ANXA8: variants seen among roughly 807,000 people sequenced by gnomAD.
ANXA8 encodes the protein annexin A8.
Under a neutral mutation model 26.8 loss-of-function variants are expected in ANXA8, and 9 were observed. The observed-to-expected ratio is 0.34, with a 90% CI of 0.20 to 0.59. ANXA8 has a LOEUF of 0.59. Among genes scored for constraint, ANXA8 ranks in the 20% least tolerant of loss-of-function variants. The probability of loss-of-function intolerance (pLI) is 0.84; values close to 1 mark genes in which losing one functional copy is unlikely to be tolerated. For synonymous variants in ANXA8, 39 were observed against 94.8 expected (o/e 0.41, Z 3.42); for missense variants, 83 against 238.5 (o/e 0.35, Z 4.29).
the ANXA8 span, among the ~76,000 whole-genome samples, chr10:47,976,511 C>G: frequency 6.7e-6 from 1 of 149,646 alleles, no homozygotes; most frequent in East Asian, 2.0e-4. Flanking sequence ...AGTTTGAGAC[C>G]AGTCTGGACA....
the ANXA8 span, among the ~76,000 whole-genome samples, chr10:47,748,058 A>G: frequency 2.0e-5 from 3 of 152,204 alleles, no homozygotes; most frequent in Admixed American, 6.5e-5. Context: ...GGCCTAACAC[A>G]TATGTAACTG....
the ANXA8 span, among the ~76,000 whole-genome samples, chr10:47,645,420 C>A: frequency 1.4e-5 from 2 of 147,794 alleles, no homozygotes; most frequent in Non-Finnish European, 3.0e-5. Context: ...AAAAACTTTC[C>A]TTTTTCTCAC....
At chr10:47,952,297 C>A in the ANXA8 span, among the ~76,000 whole-genome samples, 1 of 151,392 alleles carries the variant, frequency 6.6e-6, no homozygotes, top group Admixed American at 6.6e-5. Flanking sequence ...GAGGAAATAC[C>A]GACATAAGAT....
chr10:47,499,140 A>G, the ANXA8 span, among the ~76,000 whole-genome samples: 2 of 135,676 alleles, frequency 1.5e-5, no homozygotes, highest in Non-Finnish European at 3.1e-5. Flanking sequence ...TTAAAAAGAT[A>G]AAATAGAAAT....
the ANXA8 span, chr10:47,510,360 C>A: frequency 3.1e-6 from 4 of 1,288,964 alleles, no homozygotes; most frequent in African/African-American, 6.2e-5. Flanking sequence ...TAAGATATGT[C>A]TTACACTCCA....
chr10:47,945,138 T>C, the ANXA8 span, among the ~76,000 whole-genome samples: 4 of 150,032 alleles, frequency 2.7e-5, 1 homozygote, highest in East Asian at 8.5e-4. Flanking sequence ...CCTCTTGTGG[T>C]TCAGAGAATT....
the ANXA8 span, among the ~76,000 whole-genome samples, chr10:47,749,326 G>A: frequency 6.7e-6 from 1 of 148,938 alleles, no homozygotes; most frequent in African/African-American, 2.5e-5. Context: ...GAATTCTTCA[G>A]GTAGAAGAAA....
At chr10:47,557,164 G>A in the ANXA8 span, among the ~76,000 whole-genome samples, 4 of 134,640 alleles carry the variant, frequency 3.0e-5, no homozygotes, top group Non-Finnish European at 6.3e-5. Context: ...GCACCACCAC[G>A]CCCAGCTAAT....
chr10:47,548,899 G>A, the ANXA8 span, among the ~76,000 whole-genome samples: 1 of 152,262 alleles, frequency 6.6e-6, no homozygotes, highest in Non-Finnish European at 1.5e-5. Flanking sequence ...CACCTCAAGG[G>A]TGTATCAAGG....
chr10:47,683,097 T>C, the ANXA8 span, among the ~76,000 whole-genome samples: 4 of 152,128 alleles, frequency 2.6e-5, no homozygotes, highest in Admixed American at 1.3e-4. Context: ...AAATGAGCGA[T>C]AGCTTTAAAC....
the ANXA8 span, among the ~76,000 whole-genome samples, chr10:47,702,469 T>C: frequency 6.6e-6 from 1 of 151,278 alleles, no homozygotes; most frequent in Non-Finnish European, 1.5e-5. Context: ...GCCTCCCAAG[T>C]AGCTGGGACT....
chr10:47,958,626 C>T, the ANXA8 span, among the ~76,000 whole-genome samples: 1 of 148,310 alleles, frequency 6.7e-6, no homozygotes, highest in East Asian at 2.1e-4. Flanking sequence ...GTCCATGTGG[C>T]CCCCAGTCTA....
intron 1 of ANXA8, among the ~76,000 whole-genome samples, chr10:47,482,877 C>T (rs1352456356): frequency 6.6e-6 from 1 of 150,434 alleles, no homozygotes; most frequent in Admixed American, 6.6e-5. Flanking sequence ...GAACCTGGGG[C>T]TGGGCAGAGA....
At chr10:47,670,909 T>C in the ANXA8 span, among the ~76,000 whole-genome samples, 1 of 150,522 alleles carries the variant, frequency 6.6e-6, no homozygotes, top group Admixed American at 6.6e-5. Flanking sequence ...ATTTACCAGG[T>C]TATTTGGAAG....
chr10:47,511,372 G>A, the ANXA8 span, among the ~76,000 whole-genome samples: 10 of 141,168 alleles, frequency 7.1e-5, 4 homozygotes, highest in East Asian at 2.8e-3. Context: ...TATTTCAGGT[G>A]ATATTGTTAC....
the ANXA8 span, among the ~76,000 whole-genome samples, chr10:47,592,775 G>A: frequency 2.0e-5 from 3 of 148,602 alleles, 1 homozygote; most frequent in African/African-American, 7.8e-5. Flanking sequence ...AGAATGCAGA[G>A]AAGGGTGTGG....
At chr10:47,644,642 T>C in the ANXA8 span, among the ~76,000 whole-genome samples, 3 of 151,948 alleles carry the variant, frequency 2.0e-5, no homozygotes, top group African/African-American at 4.8e-5. Context: ...GTGTGGTTTA[T>C]TGTTAAATAT....
the ANXA8 span, among the ~76,000 whole-genome samples, chr10:47,530,700 A>G: frequency 6.4e-5 from 9 of 140,006 alleles, 1 homozygote; most frequent in African/African-American, 2.1e-4. Flanking sequence ...CTCAAAAAAA[A>G]AAAAAGAAAA....
At chr10:47,947,436 T>C in the ANXA8 span, among the ~76,000 whole-genome samples, 1 of 143,694 alleles carries the variant, frequency 7.0e-6, no homozygotes. Context: ...GAGGAGGGAG[T>C]AATGTACAGA....
Sources: gnomAD v4.1 joint callset for allele counts (sites outside exome capture counted in the v4.1 genomes callset) on GRCh38, gnomAD v4.1.1 for gene constraint, MANE v1.5 for transcripts, NCBI Gene and HGNC (gene_info 2026-07-23, HGNC 2026-07-21) for gene names.